AKAP6: variants seen among roughly 807,000 people sequenced by gnomAD.
AKAP6 encodes A-kinase anchoring protein 6.
A neutral mutation model predicts 188.5 loss-of-function variants in AKAP6; 58 were observed. The ratio of observed to expected loss-of-function variants is 0.31; its 90% CI spans 0.25 to 0.38. The LOEUF is 0.38. AKAP6 is among the 10% of genes least tolerant of loss of function. AKAP6 has a pLI of 1.00. For synonymous variants in AKAP6, 989 were observed against 998.6 expected (o/e 0.99, Z 0.18); for missense variants, 2,710 against 2,740.0 (o/e 0.99, Z 0.24).
intron 1 of AKAP6, among the ~76,000 whole-genome samples, chr14:32,376,987 G>A (rs748289398): frequency 1.3e-5 from 2 of 152,184 alleles, no homozygotes; most frequent in East Asian, 1.9e-4. Flanking sequence ...GAGCCACCGC[G>A]CCCAGCCTGC....
At chr14:32,664,420 CAT>C (rs1888833189) in intron 7 of AKAP6, among the ~76,000 whole-genome samples, 1 of 152,078 alleles carries the variant, frequency 6.6e-6, no homozygotes, top group Non-Finnish European at 1.5e-5. Flanking sequence ...CTTCCTTTAA[CAT>C]GTGATGAACT....
intron 7 of AKAP6, among the ~76,000 whole-genome samples, chr14:32,611,515 T>G (rs1886353321): frequency 6.6e-6 from 1 of 152,150 alleles, no homozygotes; most frequent in African/African-American, 2.4e-5. Context: ...GTAGTCCAAA[T>G]AGAAATAATA....
intron 9 of AKAP6, among the ~76,000 whole-genome samples, chr14:32,717,610 A>T (rs1334007055): frequency 1.1e-4 from 14 of 128,170 alleles, no homozygotes; most frequent in African/African-American, 3.0e-4. Context: ...GTCTCTTATC[A>T]CACACACACA....
intron 8 of AKAP6, among the ~76,000 whole-genome samples, chr14:32,689,958 T>C (rs762229421): frequency 6.6e-6 from 1 of 152,002 alleles, no homozygotes; most frequent in African/African-American, 2.4e-5. Context: ...AATTGGATCA[T>C]TTAATAGAAC....
At chr14:32,329,783 C>A (rs577301363) in intron 1 of AKAP6, among the ~76,000 whole-genome samples, 1 of 152,072 alleles carries the variant, frequency 6.6e-6, no homozygotes, top group Non-Finnish European at 1.5e-5. Flanking sequence ...AATTGGCCCC[C>A]TCTTTGCTCT....
chr14:32,772,382 T>C (rs1284403132), intron 11 of AKAP6, among the ~76,000 whole-genome samples: 1 of 152,144 alleles, frequency 6.6e-6, no homozygotes, highest in African/African-American at 2.4e-5. Context: ...CTGGTATAAA[T>C]TGAATAATAA....
chr14:32,414,306 A>G (rs1442144398), intron 1 of AKAP6, among the ~76,000 whole-genome samples: 2 of 152,166 alleles, frequency 1.3e-5, no homozygotes, highest in African/African-American at 4.8e-5. Flanking sequence ...AAAGAAATGT[A>G]TGTTTGGAAA....
chr14:32,739,243 G>A (rs570704144), intron 11 of AKAP6, among the ~76,000 whole-genome samples: 14 of 151,786 alleles, frequency 9.2e-5, no homozygotes, highest in South Asian at 4.2e-4. Flanking sequence ...TTGAAAATTC[G>A]TGGGTCCATA....
intron 2 of AKAP6, among the ~76,000 whole-genome samples, chr14:32,480,731 A>C (rs1348896377): frequency 6.6e-6 from 1 of 152,184 alleles, no homozygotes; most frequent in East Asian, 1.9e-4. Flanking sequence ...CTCAGGAGCC[A>C]GACTTCAATA....
chr14:32,561,841 A>G (rs540286586), intron 4 of AKAP6, among the ~76,000 whole-genome samples: 2 of 152,352 alleles, frequency 1.3e-5, no homozygotes, highest in African/African-American at 4.8e-5. Flanking sequence ...AGCAGTTAAA[A>G]ACATTTGCCT....
chr14:32,470,980 A>C (rs1224671877), intron 2 of AKAP6, among the ~76,000 whole-genome samples: 1 of 152,216 alleles, frequency 6.6e-6, no homozygotes, highest in Non-Finnish European at 1.5e-5. Context: ...AATACTTTAG[A>C]TACATGAGGA....
intron 11 of AKAP6, among the ~76,000 whole-genome samples, chr14:32,755,573 G>A (rs1055981745): frequency 1.3e-5 from 2 of 151,670 alleles, no homozygotes; most frequent in Non-Finnish European, 2.9e-5. Flanking sequence ...TCTCTCCCAG[G>A]CTGTAGTGTA....
rs770833938 is a variant in AKAP6 at position 32,351,666 on chromosome 14, A to G, written c.-35+22258A>G. ...AAAAGAAATGTATTAATCTTTAAATACATAGAATTATGAAAGATGTTGCTG... is the reference window on the plus strand; with the variant it reads ...AAAAGAAATGTATTAATCTTTAAATGCATAGAATTATGAAAGATGTTGCTG... On this transcript the variant is annotated intron_variant, in intron 1 of 13. Coordinates refer to ENST00000280979, the MANE Select transcript of AKAP6 (RefSeq NM_004274.5). Among the ~76,000 whole-genome samples, 9 of 152,152 alleles carry G rather than the reference A, an allele frequency of 5.9e-5. No individual in the cohort carries two copies. In the South Asian group the frequency reaches 8.3e-4, roughly 14 times the overall value.
chr14:32,428,541 G>T (rs983509638), intron 1 of AKAP6, among the ~76,000 whole-genome samples: 6 of 152,038 alleles, frequency 3.9e-5, no homozygotes, highest in African/African-American at 1.4e-4. Context: ...ATCCTGAAGG[G>T]CCGTTAGGGA....
intron 12 of AKAP6, among the ~76,000 whole-genome samples, chr14:32,812,832 A>C (rs986668112): frequency 2.0e-5 from 3 of 152,188 alleles, no homozygotes; most frequent in African/African-American, 7.2e-5. Flanking sequence ...TCTTTGATTT[A>C]TTGGCACAAA....
chr14:32,630,192 A>G (rs1002512634), intron 7 of AKAP6, among the ~76,000 whole-genome samples: 6 of 152,138 alleles, frequency 3.9e-5, no homozygotes, highest in Non-Finnish European at 7.4e-5. Context: ...ATCTCATTTC[A>G]TCTTAAACTT....
Position 32,696,024 on chromosome 14 carries a change from T to C in AKAP6, c.2914T>C (p.Trp972Arg), listed in dbSNP as rs543290190. ...CTTTGATTCAGAATATCAGGAGCTC[T>C]GGGATTGGCTGATTGACATGGAGTC... ...LDFDSEYQEL[W>R]DWLIDMESLV... is the part of the protein sequence containing the mutation. Residue 972 changes from tryptophan (W) to arginine (R), a missense_variant, in exon 9 of 14, where the codon TGG becomes CGG. This residue lies in a region of AKAP6 where 2,473 missense variants were observed against 2,426.1 expected (regional missense o/e 1.02). Coordinates refer to ENST00000280979, the MANE Select transcript of AKAP6 (RefSeq NM_004274.5). The C allele has an allele frequency of 1.4e-5, 22 of 1,613,200 alleles. No homozygotes were observed. The Admixed American group carries it at 3.2e-4, about 23-fold the overall frequency.
intron 7 of AKAP6, among the ~76,000 whole-genome samples, chr14:32,610,489 A>G (rs1007838171): frequency 1.3e-5 from 2 of 152,204 alleles, no homozygotes; most frequent in African/African-American, 4.8e-5. Flanking sequence ...TGGACAGGAT[A>G]CTGTACCTCT....
At chr14:32,439,605 G>C (rs1890502123) in intron 2 of AKAP6, among the ~76,000 whole-genome samples, 1 of 26,740 alleles carries the variant, frequency 3.7e-5, no homozygotes, top group South Asian at 1.5e-3. Flanking sequence ...AACTAGTAAG[G>C]CTACCTCAGA....
Sources: allele counts gnomAD v4.1 joint callset (sites outside exome capture counted in the v4.1 genomes callset), GRCh38; gene constraint gnomAD v4.1.1; regional missense constraint gnomAD v4.1.1; transcripts MANE v1.5; gene names NCBI Gene and HGNC (gene_info 2026-07-23, HGNC 2026-07-21).